SLC8A1: variants seen among roughly 807,000 people sequenced by gnomAD.
SLC8A1 encodes the protein solute carrier family 8 member A1.
Under a neutral mutation model 68.3 loss-of-function variants are expected in SLC8A1, and 18 were observed. That is an observed-to-expected ratio of 0.26 (90% CI 0.18 to 0.39). The LOEUF is 0.39. Among genes scored for constraint, SLC8A1 ranks in the 10% least tolerant of loss-of-function variants. SLC8A1 has a pLI of 1.00. For synonymous variants in SLC8A1, 475 were observed against 415.5 expected, an observed-to-expected ratio of 1.14 and a Z score of -1.74; for missense variants, 985 against 1,156.7, an observed-to-expected ratio of 0.85 and a Z score of 2.15.
intron 6 of SLC8A1, among the ~76,000 whole-genome samples, chr2:40,140,986 T>A (rs1031154314): frequency 6.6e-6 from 1 of 152,242 alleles, no homozygotes; most frequent in Admixed American, 6.5e-5. Context: ...TTGACATGTT[T>A]TAAAATGAGG....
chr2:40,435,051 G>A (rs1286366286), intron 1 of SLC8A1, among the ~76,000 whole-genome samples: 3 of 152,124 alleles, frequency 2.0e-5, no homozygotes, highest in Non-Finnish European at 4.4e-5. Context: ...TCAGAGCAAA[G>A]GCATATGCTG....
chr2:40,375,056 G>T (rs543455730), intron 2 of SLC8A1, among the ~76,000 whole-genome samples: 4 of 151,904 alleles, frequency 2.6e-5, no homozygotes, highest in African/African-American at 4.8e-5. Context: ...TTAATCAGTC[G>T]GGAGAACAGC....
At chr2:40,311,908 A>G (rs986115727) in intron 2 of SLC8A1, among the ~76,000 whole-genome samples, 3 of 152,198 alleles carry the variant, frequency 2.0e-5, no homozygotes, top group African/African-American at 7.2e-5. Context: ...AAATAGTTCT[A>G]CATCAAATAT....
At chr2:40,204,622 G>A (rs997836973) in intron 2 of SLC8A1, among the ~76,000 whole-genome samples, 10 of 152,068 alleles carry the variant, frequency 6.6e-5, no homozygotes, top group Middle Eastern at 6.8e-3. Flanking sequence ...TTGTTTCAGA[G>A]CAGACTAGAG....
At chr2:40,334,461 C>G (rs1338404991) in intron 2 of SLC8A1, among the ~76,000 whole-genome samples, 1 of 152,096 alleles carries the variant, frequency 6.6e-6, no homozygotes, top group Non-Finnish European at 1.5e-5. Flanking sequence ...TGAAATCACA[C>G]TAGAAAATGA....
intron 6 of SLC8A1, 55 bp from the exon 10 acceptor site, chr2:40,139,731 C>T: frequency 4.5e-6 from 7 of 1,568,108 alleles, no homozygotes; most frequent in Admixed American, 1.7e-5. Context: ...CCGGGTCTTC[C>T]TCTCTCTCAA....
intron 2 of SLC8A1, among the ~76,000 whole-genome samples, chr2:40,344,950 G>T (rs1297303711): frequency 6.6e-6 from 1 of 152,150 alleles, no homozygotes; most frequent in Non-Finnish European, 1.5e-5. Context: ...CACAGGTCAG[G>T]ATGGACAAAT....
rs748511241 is a variant in SLC8A1, at chr2:40,245,822, G to A, written c.1809-67967C>T. 6.6e-5 allele frequency among the ~76,000 whole-genome samples: 10 copies of A among 152,050 alleles called. No individual in the cohort carries two copies. In the South Asian group the frequency reaches 1.2e-3, roughly 19 times the overall value. ...AGTTTCTAAGCTACAATTAAATCTC[G>A]TAGAATGGTAAGAGGTTTATATCAG... On this transcript the variant is annotated intron_variant, in intron 2 of 7. Transcript: ENST00000406785.
At chr2:40,355,492 A>G (rs968049772) in intron 2 of SLC8A1, among the ~76,000 whole-genome samples, 4 of 152,084 alleles carry the variant, frequency 2.6e-5, no homozygotes, top group South Asian at 2.1e-4. Context: ...CAGCACTTCT[A>G]TCATGCCAAG....
chr2:40,465,086 G>T (rs1167486827), intron 1 of SLC8A1, among the ~76,000 whole-genome samples: 1 of 152,144 alleles, frequency 6.6e-6, no homozygotes, highest in African/African-American at 2.4e-5. Context: ...AGAAGAAGTT[G>T]TCAACTAGGG....
intron 2 of SLC8A1, among the ~76,000 whole-genome samples, chr2:40,351,191 C>T (rs762665373): frequency 5.9e-5 from 9 of 152,084 alleles, no homozygotes; most frequent in Non-Finnish European, 1.2e-4. Context: ...CATATCTTAC[C>T]TAAGGCAGCG....
At chr2:40,457,622 G>A (rs1306500202) in intron 1 of SLC8A1, among the ~76,000 whole-genome samples, 2 of 152,168 alleles carry the variant, frequency 1.3e-5, no homozygotes, top group African/African-American at 4.8e-5. Context: ...CTTTAAAAAT[G>A]TAGACTCATA....
At chr2:40,364,242 T>C (rs1675380307) in intron 2 of SLC8A1, among the ~76,000 whole-genome samples, 1 of 152,086 alleles carries the variant, frequency 6.6e-6, no homozygotes, top group Non-Finnish European at 1.5e-5. Flanking sequence ...GTATATGAAT[T>C]AACTGATGGG....
chr2:40,511,512 C>T (rs59017544), intron 1 of SLC8A1, among the ~76,000 whole-genome samples: 147 of 152,240 alleles, frequency 9.7e-4, no homozygotes, highest in Middle Eastern at 3.4e-3. Flanking sequence ...ACAGGACAGT[C>T]GTATAGATAC....
intron 2 of SLC8A1, among the ~76,000 whole-genome samples, chr2:40,348,350 G>A (rs916305467): frequency 6.6e-6 from 1 of 152,112 alleles, no homozygotes; most frequent in African/African-American, 2.4e-5. Flanking sequence ...CTTGAGAATT[G>A]TTAGGGAAGA....
chr2:40,262,431 A>G (rs1253819761), intron 2 of SLC8A1, among the ~76,000 whole-genome samples: 1 of 152,326 alleles, frequency 6.6e-6, no homozygotes, highest in Admixed American at 6.5e-5. Flanking sequence ...GGTGGACTGA[A>G]TAAGATCAGC....
intron 2 of SLC8A1, among the ~76,000 whole-genome samples, chr2:40,401,567 CAAAAAAAAAAAA>C (rs3060361): frequency 2.1e-5 from 2 of 94,094 alleles, no homozygotes; most frequent in Non-Finnish European, 4.0e-5. Flanking sequence ...ATAGGCCAGT[CAAAAAAAAAAAA>C]AAAAAAAAAA....
intron 2 of SLC8A1, among the ~76,000 whole-genome samples, chr2:40,406,768 C>A (rs572318688): frequency 2.6e-5 from 4 of 152,250 alleles, no homozygotes; most frequent in East Asian, 1.9e-4. Flanking sequence ...TGTCAGCTCA[C>A]CCCATTTGTT....
intron 2 of SLC8A1, among the ~76,000 whole-genome samples, chr2:40,344,285 A>AC (rs1201532792): frequency 6.6e-6 from 1 of 152,122 alleles, no homozygotes; most frequent in Non-Finnish European, 1.5e-5. Flanking sequence ...TTCATGCACT[A>AC]TTTGCCTGGG....
Sources: allele counts gnomAD v4.1 joint callset (sites outside exome capture counted in the v4.1 genomes callset), GRCh38; gene constraint gnomAD v4.1.1; transcripts MANE v1.5; gene names NCBI Gene and HGNC (gene_info 2026-07-23, HGNC 2026-07-21).